MLPH: variants seen among roughly 807,000 people sequenced by gnomAD.
MLPH encodes melanophilin.
Under a neutral mutation model 72.1 loss-of-function variants are expected in MLPH, and 51 were observed. The observed-to-expected ratio is 0.71, with a 90% CI of 0.56 to 0.89. MLPH has a LOEUF of 0.89. MLPH is among the 40% of genes least tolerant of loss of function. The probability of loss-of-function intolerance (pLI) is 0.00; values close to 1 mark genes in which losing one functional copy is unlikely to be tolerated. For synonymous variants in MLPH, 301 were observed against 310.1 expected (o/e 0.97, Z 0.31); for missense variants, 743 against 759.9 (o/e 0.98, Z 0.26).
rs148163100 is a variant in MLPH at position 237,490,570 on chromosome 2, T to G, written c.-24-2833T>G. ...GTTTCTCAAACTGAGGCCTGGAATT[T>G]TGGCTTCTATGTTAGGAGAAGAGAG... On this transcript the variant is annotated intron_variant, in intron 1 of 15. Coordinates refer to ENST00000264605, the MANE Select transcript of MLPH (RefSeq NM_024101.7). Among the ~76,000 whole-genome samples the G allele has an allele frequency of 3.9e-3, 587 of 152,322 alleles. 11 individuals are homozygous for G. The South Asian group carries it at 0.042, about 11-fold the overall frequency.
intron 5 of MLPH, 127 bp downstream of exon 5, chr2:237,518,775 C>A: frequency 2.7e-6 from 2 of 744,868 alleles, no homozygotes; most frequent in Non-Finnish European, 4.8e-6. Context: ...ACTGCATGAG[C>A]ACCAAGAATC....
intron 2 of MLPH, among the ~76,000 whole-genome samples, chr2:237,506,925 T>A (rs531456563): frequency 1.3e-5 from 2 of 152,312 alleles, no homozygotes; most frequent in African/African-American, 4.8e-5. Flanking sequence ...GAAGAAAATC[T>A]AGGCTCATAC....
intron 10 of MLPH, 35 bp from the exon 11 acceptor site, chr2:237,540,767 T>C: frequency 1.2e-6 from 2 of 1,610,032 alleles, no homozygotes; most frequent in Admixed American, 1.7e-5. Flanking sequence ...CACTCCCTCC[T>C]GCTGCTGGTC....
In MLPH at chr2:237,530,699, G is replaced by A. The variant is rs115799313; in HGVS notation, c.1020+3183G>A. On this transcript the variant is annotated intron_variant, in intron 8 of 15. Transcript: ENST00000264605. ...GCCTGCGTGAAGACTGCTTATGGCC[G>A]CGTCACCCATTGGGGCCCACAATTC... is the stretch of plus-strand genomic sequence containing the variant. 1.6e-3 allele frequency among the ~76,000 whole-genome samples: 247 copies of A among 152,308 alleles called. 1 individual carries two copies. The highest frequency in any genetic ancestry group is 5.5e-3 in the African/African-American group (229 of 41,556).
At chr2:237,538,236 C>T (rs904182054) in intron 9 of MLPH, among the ~76,000 whole-genome samples, 2 of 152,196 alleles carry the variant, frequency 1.3e-5, no homozygotes, top group South Asian at 2.1e-4. Context: ...CCCAGGAGGG[C>T]GGGGCCTGCG....
chr2:237,549,420 C>T, intron 14 of MLPH, 142 bp downstream of exon 14: 4 of 870,390 alleles, frequency 4.6e-6, no homozygotes, highest in Non-Finnish European at 3.9e-6. Flanking sequence ...ATTCCCAGTG[C>T]CGCTCGGGCC....
In MLPH at chr2:237,495,151, A is replaced by G. The variant is rs146456133; in HGVS notation, c.110+1615A>G. 3.5e-3 allele frequency among the ~76,000 whole-genome samples: 533 copies of G among 151,772 alleles called. 5 individuals carry two copies. The highest frequency in any genetic ancestry group is 0.012 in the African/African-American group (490 of 41,340). Reference sequence around the variant, plus strand: ...GCCTCTCTCTCACCCTCCCTCCCTCACCTGTGCCTCCATGCTCACATCTCT... The same window carrying G: ...GCCTCTCTCTCACCCTCCCTCCCTCGCCTGTGCCTCCATGCTCACATCTCT... On this transcript the variant is annotated intron_variant, in intron 2 of 15. Transcript: ENST00000264605.
At position 237,549,186 on chromosome 2, in the gene MLPH, C is replaced by T. The variant is rs767163698; in HGVS notation, c.1618-35C>T. 6 of 1,605,244 alleles carry T rather than the reference C, an allele frequency of 3.7e-6. No homozygotes were observed. The African/African-American group carries it at 6.7e-5, about 18-fold the overall frequency. On this transcript the variant is annotated intron_variant, in intron 13 of 15. Coordinates refer to ENST00000264605, the MANE Select transcript of MLPH (RefSeq NM_024101.7). Reference sequence around the variant, plus strand: ...AGTTGACAATTCCTAAACGTCACAACTTGATGAAGCCTGGAGACACTCTGT... The same window carrying T: ...AGTTGACAATTCCTAAACGTCACAATTTGATGAAGCCTGGAGACACTCTGT...
At chr2:237,494,109 T>G (rs911916130) in intron 2 of MLPH, among the ~76,000 whole-genome samples, 4 of 152,122 alleles carry the variant, frequency 2.6e-5, no homozygotes, top group Admixed American at 2.6e-4. Context: ...TTTAGTAGAT[T>G]GGGTCACCCT....
chr2:237,491,578 T>C (rs2079429643), intron 1 of MLPH, among the ~76,000 whole-genome samples: 1 of 152,096 alleles, frequency 6.6e-6, no homozygotes, highest in African/African-American at 2.4e-5. Context: ...TCACCAACTG[T>C]TAAGGGGTAT....
At chr2:237,507,397 T>C (rs2079800821) in intron 2 of MLPH, 1 of 152,250 alleles carries the variant, frequency 6.6e-6, no homozygotes, top group African/African-American at 2.4e-5. Flanking sequence ...TTAGTTGTGA[T>C]GTGGAATCTG....
At position 237,510,900 on chromosome 2, in the gene MLPH, C is replaced by T. The variant is rs544742747; in HGVS notation, c.333-89C>T. On this transcript the variant is annotated intron_variant, in intron 3 of 15. Coordinates refer to ENST00000264605, the MANE Select transcript of MLPH (RefSeq NM_024101.7). The surrounding 1 kb of genome is among the most constrained non-coding windows in gnomAD (Gnocchi z 4.4). ...GGGTGGACGCACACATGCACACACT[C>T]GTGTGTGTGTGTGTGTGTGTGTGTG... 9.5e-5 allele frequency: 125 copies of T among 1,319,674 alleles called. No homozygotes were observed. The African/African-American group carries it at 1.5e-3, about 16-fold the overall frequency. The allele number at this position is 1,319,674 out of a possible 1,614,324, so 81.7% of individuals were successfully genotyped here.
intron 11 of MLPH, among the ~76,000 whole-genome samples, chr2:237,542,213 A>T (rs1327691133): frequency 6.6e-6 from 1 of 152,022 alleles, no homozygotes; most frequent in Non-Finnish European, 1.5e-5. Flanking sequence ...TGCCAGTGGG[A>T]GTGGCCGACT....
At chr2:237,497,182 G>A (rs1308923066) in intron 2 of MLPH, among the ~76,000 whole-genome samples, 1 of 152,188 alleles carries the variant, frequency 6.6e-6, no homozygotes, top group East Asian at 1.9e-4. Flanking sequence ...CGCTGACCTG[G>A]CAGGAGGCGG....
chr2:237,507,062 CT>C (rs61091364), intron 2 of MLPH, among the ~76,000 whole-genome samples: 9,506 of 94,520 alleles, frequency 0.1, 86 homozygotes, highest in South Asian at 0.13. Context: ...TTTTTTTTTT[CT>C]TTTTTTTTTT....
intron 1 of MLPH, among the ~76,000 whole-genome samples, chr2:237,491,096 T>C (rs1278757059): frequency 6.6e-6 from 1 of 152,260 alleles, no homozygotes; most frequent in Non-Finnish European, 1.5e-5. Flanking sequence ...TAACCTCTTG[T>C]GCAACAAAAT....
intron 2 of MLPH, among the ~76,000 whole-genome samples, chr2:237,506,692 G>A (rs1281007684): frequency 2.6e-5 from 4 of 152,196 alleles, no homozygotes; most frequent in Non-Finnish European, 4.4e-5. Flanking sequence ...GTCAGGGGTC[G>A]ATCTTTAACT....
Position 237,525,805 on chromosome 2 carries a change from G to C in MLPH, c.880G>C (p.Gly294Arg). Residue 294 changes from glycine to arginine, a missense_variant and splice_region_variant, in exon 7 of 16, where the codon GGG becomes CGG. By Grantham distance (125) the Gly-to-Arg change is moderately radical. Coordinates refer to ENST00000264605, the MANE Select transcript of MLPH (RefSeq NM_024101.7). ...RMALGTAAAL[G>R]SNVIRNEQLP... ...GGCCCTGGGGACTGCTGCTGCACTC[G>C]GTAGGTGCCCTTGGCCAGGGTCTTC... 1 of 1,611,146 alleles carries C rather than the reference G, an allele frequency of 6.2e-7. No individual in the cohort carries two copies. The highest frequency in any genetic ancestry group is 8.5e-7 in the Non-Finnish European group (1 of 1,179,900).
chr2:237,528,004 G>A (rs2080340249), intron 8 of MLPH, among the ~76,000 whole-genome samples: 1 of 152,186 alleles, frequency 6.6e-6, no homozygotes, highest in Non-Finnish European at 1.5e-5. Flanking sequence ...GGAGAACACT[G>A]TGCTAAGTGA....
Sources: allele counts gnomAD v4.1 joint callset (sites outside exome capture counted in the v4.1 genomes callset), GRCh38; gene constraint gnomAD v4.1.1; non-coding constraint Gnocchi (gnomAD v3.1); transcripts MANE v1.5; gene names NCBI Gene and HGNC (gene_info 2026-07-23, HGNC 2026-07-21).